ST6GAL2: variants seen among roughly 807,000 people sequenced by gnomAD.
ST6GAL2 encodes the protein ST6 beta-galactoside alpha-2,6-sialyltransferase 2.
A neutral mutation model predicts 37.5 loss-of-function variants in ST6GAL2; 24 were observed. That is an observed-to-expected ratio of 0.64 (90% CI 0.46 to 0.90). The LOEUF (loss-of-function observed/expected upper bound fraction) is 0.90. ST6GAL2 is among the 40% of genes least tolerant of loss of function. The probability of loss-of-function intolerance (pLI) is 0.00; values close to 1 mark genes in which losing one functional copy is unlikely to be tolerated. For synonymous variants in ST6GAL2, 306 were observed against 295.1 expected, an observed-to-expected ratio of 1.04 and a Z score of -0.38; for missense variants, 715 against 712.7, an observed-to-expected ratio of 1.00 and a Z score of -0.04.
intron 1 of ST6GAL2, among the ~76,000 whole-genome samples, chr2:106,884,934 T>TATATATATATAGAC (rs1425070594): frequency 8.3e-6 from 1 of 120,470 alleles, no homozygotes; most frequent in African/African-American, 3.6e-5. Flanking sequence ...TATATATATA[T>TATATATATATAGAC]ACATACACAC....
At position 106,843,118 on chromosome 2, in the gene ST6GAL2, T is replaced by C. The variant is rs772153522; in HGVS notation, c.860A>G (p.Gln287Arg). 7.0e-6 allele frequency: 11 copies of C among 1,566,126 alleles called. No individual in the cohort carries two copies. In the East Asian group the frequency reaches 2.1e-4, roughly 30 times the overall value. Residue 287 changes from glutamine (Q) to arginine (R), a missense_variant, in exon 2 of 6, where the codon CAG becomes CGG. Around this residue, in one of 3 missense-constraint regions of ST6GAL2, gnomAD observed 512 missense variants for 488.8 expected, o/e 1.05. Coordinates refer to ENST00000409382, the MANE Select transcript of ST6GAL2 (RefSeq NM_001142351.2). ...RRLVPAVPLS[Q>R]LHPRGLRSCA... ...GCTGCGCAGGCCGCGGGGGTGCAGC[T>C]GGCTCAGGGGCACGGCGGGCACCAG...
At chr2:106,884,565 T>G (rs1678881328) in intron 1 of ST6GAL2, among the ~76,000 whole-genome samples, 1 of 152,092 alleles carries the variant, frequency 6.6e-6, no homozygotes, top group African/African-American at 2.4e-5. Context: ...GACATTTAAC[T>G]CAAAACTCCA....
rs1326579306 is a variant in ST6GAL2 at position 106,802,110 on chromosome 2, G to A, written c.*4568C>T. 6.6e-6 allele frequency: 1 copy of A among 152,174 alleles called. No homozygotes were observed. The highest frequency in any genetic ancestry group is 1.5e-5 in the Non-Finnish European group (1 of 68,042). The allele number at this position is 152,174 out of a possible 1,614,324, so 9.4% of individuals were successfully genotyped here. The stretch of plus-strand genomic sequence containing the variant: ...TAGTGCCTTTTAAATAATTCTGTCA[G>A]TCCATTTTAATGTAGCCAAGATGTG... On this transcript the variant is annotated 3_prime_UTR_variant, in exon 6 of 6. Coordinates refer to ENST00000409382, the MANE Select transcript of ST6GAL2 (RefSeq NM_001142351.2).
chr2:106,865,122 C>T (rs573499619), intron 1 of ST6GAL2, among the ~76,000 whole-genome samples: 8 of 152,134 alleles, frequency 5.3e-5, no homozygotes, highest in Admixed American at 2.6e-4. Flanking sequence ...CTTCCGAGAG[C>T]GCAGATAATA....
At chr2:106,881,440 T>A (rs894891899) in intron 1 of ST6GAL2, among the ~76,000 whole-genome samples, 3 of 152,202 alleles carry the variant, frequency 2.0e-5, no homozygotes, top group African/African-American at 7.2e-5. Flanking sequence ...AGAAAACAAA[T>A]CCCATATTAA....
At chr2:106,831,572 A>G (rs1386897617) in intron 4 of ST6GAL2, among the ~76,000 whole-genome samples, 2 of 152,194 alleles carry the variant, frequency 1.3e-5, no homozygotes, top group African/African-American at 4.8e-5. Context: ...ATATACATTG[A>G]GGCTATATAT....
At chr2:106,850,210 A>T (rs1185268692) in intron 1 of ST6GAL2, among the ~76,000 whole-genome samples, 1 of 152,184 alleles carries the variant, frequency 6.6e-6, no homozygotes, top group East Asian at 1.9e-4. Flanking sequence ...GAGAAGAATG[A>T]GAGGATGTCA....
chr2:106,846,243 C>A (rs1380537069), intron 1 of ST6GAL2, among the ~76,000 whole-genome samples: 1 of 152,150 alleles, frequency 6.6e-6, no homozygotes, highest in African/African-American at 2.4e-5. Flanking sequence ...TGTTCTAAAC[C>A]ACGAAGTTAT....
chr2:106,871,689 G>C (rs1004222492), intron 1 of ST6GAL2, among the ~76,000 whole-genome samples: 4 of 152,114 alleles, frequency 2.6e-5, no homozygotes, highest in Non-Finnish European at 5.9e-5. Flanking sequence ...ACAGGGTCAT[G>C]GTCATCAACA....
Position 106,843,366 on chromosome 2 carries a change from C to G in ST6GAL2, c.612G>C (p.Leu204=). Residue 204 remains leucine (L), a synonymous_variant, in exon 2 of 6, where the codon CTG becomes CTC. Coordinates refer to ENST00000409382, the MANE Select transcript of ST6GAL2 (RefSeq NM_001142351.2). ...AGACGTTCCCCTTCCAGAGCCGGTA[C>G]AGGAAGGCCCTGGACATGGAGGAGT... ...RLYSSMSRAF[L]YRLWKGNVSS... is the part of the protein sequence containing the mutation. 1 of 1,614,152 alleles carries G rather than the reference C, an allele frequency of 6.2e-7. No individual in the cohort carries two copies. The highest frequency in any genetic ancestry group is 1.1e-5 in the South Asian group (1 of 91,092).
At chr2:106,874,800 A>T (rs1158144474) in intron 1 of ST6GAL2, among the ~76,000 whole-genome samples, 1 of 152,212 alleles carries the variant, frequency 6.6e-6, no homozygotes, top group Non-Finnish European at 1.5e-5. Flanking sequence ...GCATAAACAC[A>T]TATTTTCAAG....
At chr2:106,855,345 G>T (rs1045472001) in intron 1 of ST6GAL2, among the ~76,000 whole-genome samples, 1 of 152,170 alleles carries the variant, frequency 6.6e-6, no homozygotes, top group Non-Finnish European at 1.5e-5. Flanking sequence ...GTTTTACGTG[G>T]TAAGAGCTAC....
At position 106,804,825 on chromosome 2, in the gene ST6GAL2, G is replaced by C. The variant is rs1367177058; in HGVS notation, c.*1853C>G. ...CCACTGCACTCTAGCCTGGGCGACA[G>C]AGCGAGAGACTGTCTCAAAAAAAAA... On this transcript the variant is annotated 3_prime_UTR_variant, in exon 6 of 6. Coordinates refer to ENST00000409382, the MANE Select transcript of ST6GAL2 (RefSeq NM_001142351.2). 1.6e-5 allele frequency: 2 copies of C among 128,536 alleles called. No homozygotes were observed. Among genetic ancestry groups the C allele is most frequent in the African/African-American group, 6.1e-5 (2 of 32,588 alleles). 8.0% of individuals were successfully genotyped at this position (128,536 alleles called of 1,614,324 possible).
intron 1 of ST6GAL2, among the ~76,000 whole-genome samples, chr2:106,880,858 C>T (rs1678721050): frequency 6.6e-6 from 1 of 152,186 alleles, no homozygotes; most frequent in Non-Finnish European, 1.5e-5. Flanking sequence ...GCTGATGTAA[C>T]AACACATAAT....
At position 106,806,783 on chromosome 2, in the gene ST6GAL2, C is replaced by G; in HGVS notation, c.1485G>C (p.Leu495=). 6.2e-7 allele frequency: 1 copy of G among 1,614,206 alleles called. No homozygotes were observed. The highest frequency in any genetic ancestry group is 1.3e-5 in the African/African-American group (1 of 75,052). Residue 495 remains leucine, a synonymous_variant, in exon 6 of 6, where the codon CTG becomes CTC. Coordinates refer to ENST00000409382, the MANE Select transcript of ST6GAL2 (RefSeq NM_001142351.2). ...GCAAATCCCCCTGCGTGCCCATGTT[C>G]AGGCGCTGCACCAGGAGCTTCTCAT... ...LLYEKLLVQR[L]NMGTQGDLHR...
chr2:106,848,821 C>T (rs182163187), intron 1 of ST6GAL2, among the ~76,000 whole-genome samples: 28 of 152,316 alleles, frequency 1.8e-4, no homozygotes, highest in Non-Finnish European at 3.5e-4. Context: ...ATGTAGCCTG[C>T]GTCAGACAGC....
Position 106,802,959 on chromosome 2 carries a change from T to A in ST6GAL2, c.*3719A>T, listed in dbSNP as rs574451410. The A allele has an allele frequency of 1.3e-5, 2 of 152,130 alleles. No homozygotes were observed. Among genetic ancestry groups the A allele is most frequent in the Non-Finnish European group, 2.9e-5 (2 of 68,040 alleles). 9.4% of individuals were successfully genotyped at this position (152,130 alleles called of 1,614,324 possible). The stretch of plus-strand genomic sequence containing the variant: ...TGGCATTTGTGCGTATGAAATTCAA[T>A]CACATACTGGCACTCATCTAAGACT... On this transcript the variant is annotated 3_prime_UTR_variant, in exon 6 of 6. Coordinates refer to ENST00000409382, the MANE Select transcript of ST6GAL2 (RefSeq NM_001142351.2).
intron 3 of ST6GAL2, among the ~76,000 whole-genome samples, 198 bp downstream of exon 3, chr2:106,833,846 TTCATG>T (rs1256978136): frequency 6.6e-6 from 1 of 152,224 alleles, no homozygotes; most frequent in Non-Finnish European, 1.5e-5. Flanking sequence ...TTTCCTCCTA[TTCATG>T]TCATGTCTAA....
In ST6GAL2 at chr2:106,832,679, A is replaced by G; in HGVS notation, c.1042-13T>C. The stretch of plus-strand genomic sequence containing the variant: ...GGTTGGTCAGAATCTGCAAACACAC[A>G]GAAAAACCATTTCAAAGCCAGGGTT... On this transcript the variant is annotated splice_polypyrimidine_tract_variant and intron_variant, in intron 3 of 5. Coordinates refer to ENST00000409382, the MANE Select transcript of ST6GAL2 (RefSeq NM_001142351.2). 6.5e-7 allele frequency: 1 copy of G among 1,535,630 alleles called. No homozygotes were observed.
Sources: allele counts gnomAD v4.1 joint callset (sites outside exome capture counted in the v4.1 genomes callset), GRCh38; gene constraint gnomAD v4.1.1; regional missense constraint gnomAD v4.1.1; transcripts MANE v1.5; gene names NCBI Gene and HGNC (gene_info 2026-07-23, HGNC 2026-07-21).